Variants in ANPEP observed in about 807,000 individuals in gnomAD.
The protein encoded by ANPEP is alanyl aminopeptidase, membrane, also known as aminopeptidase N.
A neutral mutation model predicts 114.6 loss-of-function variants in ANPEP; 70 were observed. That is an observed-to-expected ratio of 0.61 (90% CI 0.50 to 0.75). ANPEP has a LOEUF of 0.75. ANPEP is among the 30% of genes least tolerant of loss of function. ANPEP has a pLI of 0.00. For missense variants in ANPEP, 1,184 were observed against 1,259.5 expected, an observed-to-expected ratio of 0.94 and a Z score of 0.91; for synonymous variants, 548 against 522.3, an observed-to-expected ratio of 1.05 and a Z score of -0.67.
rs1394741769 is a variant in ANPEP at position 89,791,048 on chromosome 15, G to A, written c.2574C>T (p.Asp858=). 11 of 1,614,094 alleles carry A rather than the reference G, an allele frequency of 6.8e-6. No individual in the cohort carries two copies. The highest frequency in any genetic ancestry group is 6.7e-5 in the Admixed American group (4 of 60,010). ...TLNPDLIRKQ[D]ATSTIISITN... ...TAATGCTGATGATGGTAGAGGTGGC[G>A]TCCTGCTTCCGGATTAAGTCCGGGT... Residue 858 remains aspartate, a synonymous_variant, in exon 19 of 21, where the codon GAC becomes GAT. Transcript: ENST00000300060.
chr15:89,795,439 G>A (rs1968710137), intron 15 of ANPEP, among the ~76,000 whole-genome samples: 1 of 152,144 alleles, frequency 6.6e-6, no homozygotes, highest in Non-Finnish European at 1.5e-5. Flanking sequence ...AATACTAGAT[G>A]ATGTGAATGC....
At position 89,799,948 on chromosome 15, in the gene ANPEP, A is replaced by AC. The variant is rs1320579974; in HGVS notation, c.1820-390dup. 6.6e-6 allele frequency among the ~76,000 whole-genome samples: 1 copy of AC among 151,296 alleles called. No individual in the cohort carries two copies. The highest frequency in any genetic ancestry group is 2.1e-4 in the South Asian group (1 of 4,784). On this transcript the variant is annotated intron_variant, in intron 12 of 20. Transcript: ENST00000300060. This position sits in a 1 kb window ranked among gnomAD's most constrained non-coding sequence, Gnocchi z 4.2. The stretch of plus-strand genomic sequence containing the variant: ...CTCCCTTCCCCTCCCATTCACCCAG[A>AC]CCCCCAGTGCTGCTGTCTCTTTCTG...
At chr15:89,792,061 T>TG in intron 18 of ANPEP, 99 bp downstream of exon 18, 1 of 1,393,832 alleles carries the variant, frequency 7.2e-7, no homozygotes. Flanking sequence ...AACAGGTCTG[T>TG]GGGGGTCACG....
At position 89,790,511 on chromosome 15, in the gene ANPEP, G is replaced by T. The variant is rs1484644318; in HGVS notation, c.2700C>A (p.Asn900Lys). 3 of 1,613,980 alleles carry T rather than the reference G, an allele frequency of 1.9e-6. No homozygotes were observed. Among genetic ancestry groups the T allele is most frequent in the Non-Finnish European group, 2.5e-6 (3 of 1,179,982 alleles). Residue 900 changes from asparagine (N) to lysine (K), a missense_variant, in exon 20 of 21, where the codon AAC (asparagine) becomes AAA (lysine). By Grantham distance (94) the Asn-to-Lys change is moderately conservative. Transcript: ENST00000300060. ...DYGGGSFSFS[N>K]LIQAVTRRFS... ...ATCGTCGTGTCACTGCCTGGATGAG[G>T]TTGGAGAAGGAGAACGAGCCACCAC...
chr15:89,806,284 C>A lies in ANPEP; in HGVS notation c.300G>T (p.Leu100=). The change falls in exon 2 of 21, where the codon CTG becomes CTT. Residue 100 remains leucine, a synonymous_variant. Transcript: ENST00000300060. The surrounding 1 kb of genome is among the most constrained non-coding windows in gnomAD (Gnocchi z 5.7). ...RPYLTPNDRG[L]YVFKGSSTVR... is the part of the protein sequence containing the mutation. ...CGGTGCTGGAGCCCTTAAAAACGTA[C>A]AGGCCCCTGTCATTGGGGGTGAGGT... 6.2e-7 allele frequency: 1 copy of A among 1,614,164 alleles called. No individual in the cohort carries two copies. Among genetic ancestry groups the A allele is most frequent in the South Asian group, 1.1e-5 (1 of 91,072 alleles).
intron 1 of ANPEP, among the ~76,000 whole-genome samples, chr15:89,811,437 C>G (rs924878785): frequency 2.6e-5 from 4 of 151,810 alleles, no homozygotes; most frequent in Admixed American, 6.6e-5. Flanking sequence ...ACGAGGTCAG[C>G]AGATCGAGAC....
At chr15:89,795,957 A>G (rs28546242) in intron 15 of ANPEP, among the ~76,000 whole-genome samples, 64,810 of 152,100 alleles carry the variant, frequency 0.43, 16,941 homozygotes, top group African/African-American at 0.75. Context: ...GCTCACGCCT[A>G]TAATCATAAC....
intron 12 of ANPEP, among the ~76,000 whole-genome samples, chr15:89,800,732 T>C (rs1894571625): frequency 6.6e-6 from 1 of 152,048 alleles, no homozygotes; most frequent in Non-Finnish European, 1.5e-5. Flanking sequence ...TGGCTAATTT[T>C]GTATTTTTAG....
chr15:89,801,221 G>T lies in ANPEP; in HGVS notation c.1743-34C>A, dbSNP rs749237719. 6.2e-6 allele frequency: 10 copies of T among 1,610,640 alleles called. No individual in the cohort carries two copies. In the African/African-American group the frequency reaches 1.3e-4, roughly 22 times the overall value. ...AAAGATCCAGAGGTGGTGAGAGATG[G>T]CGGTGTGGTCACTGCCAGTGAGGAG... On this transcript the variant is annotated intron_variant, in intron 11 of 20. Coordinates refer to ENST00000300060, the MANE Select transcript of ANPEP (RefSeq NM_001150.3).
intron 16 of ANPEP, 134 bp from the exon 17 acceptor site, chr15:89,792,696 T>A: frequency 1.3e-6 from 1 of 765,938 alleles, no homozygotes; most frequent in Non-Finnish European, 2.1e-6. Context: ...CCGCTGTATG[T>A]GCTTTGTGCC....
At chr15:89,798,934 G>A (rs1197907288) in intron 14 of ANPEP, among the ~76,000 whole-genome samples, 7 of 141,818 alleles carry the variant, frequency 4.9e-5, no homozygotes, top group Admixed American at 1.4e-4. Context: ...GCGAGACTCC[G>A]TCTCAAAACA....
rs530310159 is a variant in ANPEP, at chr15:89,789,113, G to A, written c.2751+1347C>T. On this transcript the variant is annotated intron_variant, in intron 20 of 20. Coordinates refer to ENST00000300060, the MANE Select transcript of ANPEP (RefSeq NM_001150.3). ...TTCTGCCACAGCCTCCCGAGTAGCT[G>A]GGACTACAGGCACCCCCCACCACAC... Among the ~76,000 whole-genome samples, 8 of 151,802 alleles carry A rather than the reference G, an allele frequency of 5.3e-5. No individual in the cohort carries two copies. In the South Asian group the frequency reaches 1.5e-3, roughly 28 times the overall value.
At position 89,804,007 on chromosome 15, in the gene ANPEP, G is replaced by T. The variant is rs535852628; in HGVS notation, c.1180-5C>A. 57 of 1,613,490 alleles carry T rather than the reference G, an allele frequency of 3.5e-5. No homozygotes were observed. The highest frequency in any genetic ancestry group is 3.3e-4 in the Middle Eastern group (2 of 6,062). ...GGTCACCAGGTTCCCGAACCACTGT[G>T]GGGGGAGGGGTCAGCTGGGCAAGCC... On this transcript the variant is annotated splice_region_variant and splice_polypyrimidine_tract_variant and intron_variant, in intron 6 of 20. Coordinates refer to ENST00000300060, the MANE Select transcript of ANPEP (RefSeq NM_001150.3).
chr15:89,804,087 T>C, intron 6 of ANPEP, 85 bp from the exon 7 acceptor site: 4 of 1,561,386 alleles, frequency 2.6e-6, no homozygotes, highest in East Asian at 2.2e-5. Context: ...GGGCTGGCCA[T>C]CTGCCAGGCA....
At position 89,790,933 on chromosome 15, in the gene ANPEP, C is replaced by T. The variant is rs762357050; in HGVS notation, c.2669+20G>A. 1 of 1,612,634 alleles carries T rather than the reference C, an allele frequency of 6.2e-7. No homozygotes were observed. The highest frequency in any genetic ancestry group is 1.1e-5 in the South Asian group (1 of 90,834). Reference sequence around the variant, plus strand: ...CAGCCTCGGCGCTCGCTGTCCCTGACACCCATTCCACAGACTCACTCGTTA... The same window carrying T: ...CAGCCTCGGCGCTCGCTGTCCCTGATACCCATTCCACAGACTCACTCGTTA... On this transcript the variant is annotated intron_variant, in intron 19 of 20. Coordinates refer to ENST00000300060, the MANE Select transcript of ANPEP (RefSeq NM_001150.3).
intron 6 of ANPEP, 117 bp from the exon 7 acceptor site, chr15:89,804,119 C>T (rs539089610): frequency 1.8e-5 from 28 of 1,543,114 alleles, no homozygotes; most frequent in Middle Eastern, 1.8e-4. Context: ...TCAACACCAT[C>T]GTGACCCCTT....
intron 1 of ANPEP, among the ~76,000 whole-genome samples, chr15:89,808,547 A>T (rs1894764858): frequency 6.6e-6 from 1 of 152,264 alleles, no homozygotes. Context: ...TGAATGAGTC[A>T]GTCCAGGAGA....
At position 89,797,601 on chromosome 15, in the gene ANPEP, G is replaced by C; in HGVS notation, c.2131C>G (p.Arg711Gly). The C allele has an allele frequency of 3.1e-6, 5 of 1,614,074 alleles. No homozygotes were observed. Among genetic ancestry groups the C allele is most frequent in the Non-Finnish European group, 4.2e-6 (5 of 1,179,994 alleles). ...SLSYFKLMFDRSEVYGPMKNY... is the reference protein window; with the variant it reads ...SLSYFKLMFDGSEVYGPMKNY... Reference sequence around the variant, plus strand: ...TTCATGGGGCCATAGACCTCGGAGCGGTCAAACATGAGCTTGAAGTAGCTC... The same window carrying C: ...TTCATGGGGCCATAGACCTCGGAGCCGTCAAACATGAGCTTGAAGTAGCTC... Residue 711 changes from arginine to glycine, a missense_variant, in exon 15 of 21, where the codon CGC (arginine) becomes GGC (glycine). Coordinates refer to ENST00000300060, the MANE Select transcript of ANPEP (RefSeq NM_001150.3).
At position 89,801,244 on chromosome 15, in the gene ANPEP, G is replaced by A. The variant is rs1167893243; in HGVS notation, c.1743-57C>T. On this transcript the variant is annotated intron_variant, in intron 11 of 20. Coordinates refer to ENST00000300060, the MANE Select transcript of ANPEP (RefSeq NM_001150.3). The stretch of plus-strand genomic sequence containing the variant: ...TGGCGGTGTGGTCACTGCCAGTGAG[G>A]AGCAGCTGCCCAGGCTCCCAGCTTC... The A allele has an allele frequency of 1.0e-5, 16 of 1,590,024 alleles. No individual in the cohort carries two copies. The East Asian group carries it at 2.2e-4, about 22-fold the overall frequency.
Sources: gnomAD v4.1 joint callset for allele counts (sites outside exome capture counted in the v4.1 genomes callset) on GRCh38, gnomAD v4.1.1 for gene constraint, Gnocchi (gnomAD v3.1) non-coding constraint, MANE v1.5 for transcripts, NCBI Gene and HGNC (gene_info 2026-07-23, HGNC 2026-07-21) for gene names.